Variants in USP34 observed in about 807,000 individuals in gnomAD.
The protein encoded by USP34 is ubiquitin carboxyl-terminal hydrolase 34.
In USP34, 70 loss-of-function variants were observed where a neutral mutation model predicts 460.3. That is an observed-to-expected ratio of 0.15 (90% confidence interval 0.13 to 0.19). The LOEUF is 0.19. Among genes scored for constraint, USP34 ranks in the 10% least tolerant of loss-of-function variants. The pLI, the probability that USP34 is intolerant of heterozygous loss-of-function variation, is 1.00. For missense variants in USP34, 3,985 were observed against 4,236.2 expected (o/e 0.94, Z 1.65); for synonymous variants, 1,647 against 1,405.3 (o/e 1.17, Z -3.85).
intron 2 of USP34, among the ~76,000 whole-genome samples, chr2:61,412,510 A>C (rs1694070494): frequency 6.6e-6 from 1 of 152,128 alleles, no homozygotes; most frequent in Non-Finnish European, 1.5e-5. Flanking sequence ...AAACCAATTA[A>C]AATTATAGCA....
At chr2:61,413,004 A>T (rs192143829) in intron 2 of USP34, among the ~76,000 whole-genome samples, 181 of 152,294 alleles carry the variant, frequency 1.2e-3, no homozygotes, top group Admixed American at 2.6e-3. Context: ...GAAATTATGA[A>T]ATAAAATTTT....
At chr2:61,368,119 C>T (rs529962528) in intron 10 of USP34, among the ~76,000 whole-genome samples, 8 of 152,110 alleles carry the variant, frequency 5.3e-5, no homozygotes, top group Admixed American at 2.0e-4. Context: ...GTGGAAGCCA[C>T]CATGGACAAT....
chr2:61,265,203 T>C, intron 43 of USP34, 194 bp downstream of exon 43: 2 of 589,316 alleles, frequency 3.4e-6, no homozygotes, highest in Non-Finnish European at 5.7e-6. Context: ...AGAACTAAAC[T>C]GTACTACAGC....
At position 61,223,100 on chromosome 2, in the gene USP34, A is replaced by G. The variant is rs754440594; in HGVS notation, c.7709T>C (p.Ile2570Thr). Residue 2570 changes from isoleucine (I) to threonine (T), a missense_variant, in exon 64 of 80, where the codon ATT becomes ACT. Coordinates refer to ENST00000398571, the MANE Select transcript of USP34 (RefSeq NM_014709.4). ...GINIRQTCNLIFSLCRYNNRL... is the reference protein window; with the variant it reads ...GINIRQTCNLTFSLCRYNNRL... ...ATTATTGTATCGACACAGGCTGAAA[A>G]TCAGATTACAAGTTTGTCTTATATT... The G allele has an allele frequency of 1.2e-6, 2 of 1,614,066 alleles. No individual in the cohort carries two copies. Among genetic ancestry groups the G allele is most frequent in the South Asian group, 2.2e-5 (2 of 91,070 alleles).
At chr2:61,209,037 A>G in intron 69 of USP34, 60 bp from the exon 70 acceptor site, 1 of 1,041,258 alleles carries the variant, frequency 9.6e-7, no homozygotes, top group South Asian at 2.2e-5. Context: ...CACTTAGGTG[A>G]TGAAAAAATA....
chr2:61,308,667 A>G (rs553085427), intron 27 of USP34, among the ~76,000 whole-genome samples: 1 of 152,308 alleles, frequency 6.6e-6, no homozygotes, highest in South Asian at 2.1e-4. Flanking sequence ...AGCACCCATC[A>G]CAATCATTGA....
At chr2:61,429,935 T>A (rs1318272983) in intron 1 of USP34, among the ~76,000 whole-genome samples, 1 of 152,026 alleles carries the variant, frequency 6.6e-6, no homozygotes, top group Non-Finnish European at 1.5e-5. Flanking sequence ...AAAATTAGGC[T>A]GGGCGCGGTG....
intron 43 of USP34, among the ~76,000 whole-genome samples, chr2:61,262,656 T>C (rs1688926994): frequency 6.6e-6 from 1 of 152,138 alleles, no homozygotes; most frequent in Non-Finnish European, 1.5e-5. Context: ...TGCTTGTGGA[T>C]GTGTCTTCAT....
chr2:61,214,199 C>T lies in USP34; in HGVS notation c.8543G>A (p.Arg2848His), dbSNP rs1687343035. The change falls in exon 68 of 80, where the codon CGT becomes CAT. Residue 2848 changes from arginine (R) to histidine (H), a missense_variant. Physicochemically the swap from Arg to His is conservative, Grantham distance 29. This residue lies in a region of USP34 where 66 missense variants were observed against 121.2 expected (regional missense o/e 0.54). Coordinates refer to ENST00000398571, the MANE Select transcript of USP34 (RefSeq NM_014709.4). ...GCCATAGTACGCTGGCAGCATCCCA[C>T]GGTTAAAAAGCACCACATCCTGATC... Reference protein sequence around the residue: ...HDDQDVVLFNRGMLPAYYGIL... With the variant: ...HDDQDVVLFNHGMLPAYYGIL... 5.0e-6 allele frequency: 8 copies of T among 1,614,088 alleles called. No homozygotes were observed. Among genetic ancestry groups the T allele is most frequent in the African/African-American group, 1.3e-5 (1 of 74,926 alleles).
At chr2:61,256,615 A>G in intron 47 of USP34, 137 bp from the exon 48 acceptor site, 1 of 698,384 alleles carries the variant, frequency 1.4e-6, no homozygotes, top group Admixed American at 3.7e-5. Flanking sequence ...AAATTTTAGT[A>G]AAAAACTGTT....
chr2:61,299,522 G>A (rs1161145837), intron 29 of USP34, among the ~76,000 whole-genome samples: 2 of 152,146 alleles, frequency 1.3e-5, no homozygotes, highest in South Asian at 2.1e-4. Context: ...GGAGGCTGAG[G>A]TGGGAGGATC....
chr2:61,267,743 A>C (rs1178601206), intron 41 of USP34, among the ~76,000 whole-genome samples: 1 of 151,688 alleles, frequency 6.6e-6, no homozygotes, highest in African/African-American at 2.4e-5. Flanking sequence ...ACTCCCAATT[A>C]GTTGGGACTA....
In USP34 at chr2:61,470,982, G is replaced by A. The variant is rs917320067; in HGVS notation, c.-290C>T. Among the ~76,000 whole-genome samples, 6 of 136,230 alleles carry A rather than the reference G, an allele frequency of 4.4e-5. No homozygotes were observed. The highest frequency in any genetic ancestry group is 5.3e-5 in the African/African-American group (2 of 37,480). 89.4% of individuals were successfully genotyped at this position (136,230 alleles called of 152,430 possible). On this transcript the variant is annotated 5_prime_UTR_variant, in exon 1 of 80. Coordinates refer to ENST00000398571, the MANE Select transcript of USP34 (RefSeq NM_014709.4). ...GGGGGAAGGACGGGGGGAGGGGAGA[G>A]GGGGGGAGGGGGCGGGTGGGGAGAG...
chr2:61,412,946 CT>C (rs1348433554), intron 2 of USP34, among the ~76,000 whole-genome samples: 2 of 149,362 alleles, frequency 1.3e-5, no homozygotes, highest in Admixed American at 6.7e-5. Flanking sequence ...GGTACAATAT[CT>C]GACTAACATA....
In USP34 at chr2:61,383,286, A is replaced by G. The variant is rs746923347; in HGVS notation, c.804T>C (p.Phe268=). ...IPAVMQHIIP[F]RTYVIRYLCK... ...AAACTTACCTAATAACATAGGTCCT[A>G]AAAGGTATAATGTGCTGCATGACAG... The change falls in exon 6 of 80, where the codon TTT becomes TTC. Residue 268 remains phenylalanine, a synonymous_variant. Transcript: ENST00000398571. 1 of 1,603,462 alleles carries G rather than the reference A, an allele frequency of 6.2e-7. No individual in the cohort carries two copies. The highest frequency in any genetic ancestry group is 1.1e-5 in the South Asian group (1 of 89,012).
Position 61,235,793 on chromosome 2 carries a change from G to GAAA in USP34, c.7032+49_7032+51dup, listed in dbSNP as rs34945181. ...TGTAGCATCTTAGATCAGAGGGGGG[G>GAAA]AAAAAAAAAAGAATCTTAAACTATG... On this transcript the variant is annotated intron_variant, in intron 57 of 79. Transcript: ENST00000398571. 118 of 1,313,894 alleles carry GAAA rather than the reference G, an allele frequency of 9.0e-5. No individual in the cohort carries two copies. In the African/African-American group the frequency reaches 1.6e-3, roughly 17 times the overall value. 81.4% of individuals were successfully genotyped at this position (1,313,894 alleles called of 1,614,324 possible). A position where few individuals can be genotyped will look rare whatever the true frequency, so the allele number is the denominator to read the frequency against.
intron 23 of USP34, 41 bp downstream of exon 23, chr2:61,317,613 G>T: frequency 6.7e-7 from 1 of 1,500,126 alleles, no homozygotes; most frequent in Non-Finnish European, 9.2e-7. Context: ...AATCTAATTT[G>T]AGGAATAAAG....
At chr2:61,257,771 G>A (rs1688758247) in intron 44 of USP34, among the ~76,000 whole-genome samples, 1 of 152,084 alleles carries the variant, frequency 6.6e-6, no homozygotes, top group African/African-American at 2.4e-5. Flanking sequence ...GCTGGGTGCG[G>A]TTGCGCATGC....
chr2:61,299,496 C>T (rs1041973524), intron 29 of USP34, among the ~76,000 whole-genome samples: 9 of 152,104 alleles, frequency 5.9e-5, no homozygotes, highest in South Asian at 4.1e-4. Flanking sequence ...CTTATGCCTA[C>T]GATCCCAGCA....
Sources: allele counts gnomAD v4.1 joint callset (sites outside exome capture counted in the v4.1 genomes callset), GRCh38; gene constraint gnomAD v4.1.1; regional missense constraint gnomAD v4.1.1; transcripts MANE v1.5; gene names NCBI Gene and HGNC (gene_info 2026-07-23, HGNC 2026-07-21).